The following GPC5 variants were observed in gnomAD, a reference collection of about 807,000 sequenced individuals.
GPC5 encodes glypican-5.
A neutral mutation model predicts 53.9 loss-of-function variants in GPC5; 47 were observed. That is an observed-to-expected ratio of 0.87 (90% CI 0.69 to 1.11). The LOEUF is 1.11. Among genes scored for constraint, GPC5 ranks in the 50% most tolerant of loss-of-function variants. The probability of loss-of-function intolerance (pLI) is 0.00; values close to 1 mark genes in which losing one functional copy is unlikely to be tolerated. For synonymous variants in GPC5, 286 were observed against 263.3 expected, an observed-to-expected ratio of 1.09 and a Z score of -0.84; for missense variants, 748 against 713.1, an observed-to-expected ratio of 1.05 and a Z score of -0.56.
intron 7 of GPC5, among the ~76,000 whole-genome samples, chr13:92,466,374 A>C (rs1320148990): frequency 6.6e-6 from 1 of 152,100 alleles, no homozygotes; most frequent in African/African-American, 2.4e-5. Context: ...CCTCCTAGTT[A>C]GGTATATAAA....
intron 7 of GPC5, among the ~76,000 whole-genome samples, chr13:92,500,435 G>A (rs1347061520): frequency 2.0e-5 from 3 of 152,130 alleles, no homozygotes; most frequent in Non-Finnish European, 2.9e-5. Context: ...GAGCAATCAT[G>A]CACCGCAGAT....
intron 7 of GPC5, among the ~76,000 whole-genome samples, chr13:92,318,888 G>A (rs1308600397): frequency 6.6e-6 from 1 of 152,060 alleles, no homozygotes; most frequent in African/African-American, 2.4e-5. Context: ...TTTCATAAAT[G>A]TTGTTGTTTT....
At chr13:91,468,326 T>C (rs1323926261) in intron 2 of GPC5, among the ~76,000 whole-genome samples, 1 of 152,144 alleles carries the variant, frequency 6.6e-6, no homozygotes, top group African/African-American at 2.4e-5. Flanking sequence ...GTCCCCACCC[T>C]GCCAAAGATA....
intron 6 of GPC5, among the ~76,000 whole-genome samples, chr13:91,966,112 G>A (rs770803326): frequency 5.3e-5 from 8 of 152,136 alleles, no homozygotes; most frequent in Admixed American, 1.3e-4. Context: ...ATACGGACAC[G>A]TGAAAGCCAG....
chr13:92,695,295 A>G (rs1887526387), intron 7 of GPC5, among the ~76,000 whole-genome samples: 1 of 152,104 alleles, frequency 6.6e-6, no homozygotes, highest in Non-Finnish European at 1.5e-5. Flanking sequence ...TTGTTAATTT[A>G]AGTTCCTTAT....
chr13:91,579,232 A>G lies in GPC5; in HGVS notation c.326-113955A>G, dbSNP rs191472587. On this transcript the variant is annotated intron_variant, in intron 2 of 7. Transcript: ENST00000377067. ...TTTCCCTCGGAGGTCAGGGCATTAC[A>G]TATCTGCTCTGGATGCCCCTTTGGC... is the stretch of plus-strand genomic sequence containing the variant. Among the ~76,000 whole-genome samples, 245 of 152,282 alleles carry G rather than the reference A, an allele frequency of 1.6e-3. 1 individual carries two copies. The highest frequency in any genetic ancestry group is 2.9e-3 in the Non-Finnish European group (196 of 68,024).
At chr13:92,587,090 T>C (rs1883561727) in intron 7 of GPC5, among the ~76,000 whole-genome samples, 1 of 152,132 alleles carries the variant, frequency 6.6e-6, no homozygotes. Context: ...TGAGAGTTAG[T>C]AAATACATAT....
chr13:92,516,157 AT>A lies in GPC5; in HGVS notation c.1562-350117del, dbSNP rs925461315. On this transcript the variant is annotated intron_variant, in intron 7 of 7. Coordinates refer to ENST00000377067, the MANE Select transcript of GPC5 (RefSeq NM_004466.6). ...AGTACCATTTTGTTAGGTACAGCTA[AT>A]TTTTTTTCTACTTTTAAATATACAT... 3.8e-4 allele frequency among the ~76,000 whole-genome samples: 58 copies of A among 151,984 alleles called. 1 individual carries two copies. The highest frequency in any genetic ancestry group is 5.4e-4 in the Non-Finnish European group (37 of 67,942).
At chr13:92,753,006 C>G (rs1874659500) in intron 7 of GPC5, among the ~76,000 whole-genome samples, 1 of 152,174 alleles carries the variant, frequency 6.6e-6, no homozygotes, top group Non-Finnish European at 1.5e-5. Flanking sequence ...GGGAGGCCTG[C>G]CTGCCTCTGT....
At chr13:92,170,400 C>CT (rs1245461786) in intron 7 of GPC5, among the ~76,000 whole-genome samples, 1 of 87,828 alleles carries the variant, frequency 1.1e-5, no homozygotes, top group Non-Finnish European at 2.6e-5. Context: ...GCAAGTTTTT[C>CT]TTTTTTTGTC....
intron 6 of GPC5, among the ~76,000 whole-genome samples, chr13:92,032,627 C>A (rs9556139): frequency 6.6e-6 from 1 of 152,116 alleles, no homozygotes; most frequent in East Asian, 1.9e-4. Context: ...TGCTTATCAC[C>A]TATTTTCTTA....
chr13:91,543,057 C>T (rs907486429), intron 2 of GPC5, among the ~76,000 whole-genome samples: 1 of 152,092 alleles, frequency 6.6e-6, no homozygotes, highest in Non-Finnish European at 1.5e-5. Flanking sequence ...AGGGTTTCAC[C>T]GTGTTAGCCA....
intron 5 of GPC5, among the ~76,000 whole-genome samples, chr13:91,828,142 G>T (rs192711230): frequency 4.2e-4 from 64 of 152,074 alleles, no homozygotes; most frequent in Non-Finnish European, 8.1e-4. Flanking sequence ...TCAGAACATT[G>T]GTGCTTTGTG....
chr13:91,967,267 A>G (rs528237925), intron 6 of GPC5, among the ~76,000 whole-genome samples: 142 of 152,226 alleles, frequency 9.3e-4, no homozygotes, highest in Non-Finnish European at 1.7e-3. Context: ...ATTATCTCCC[A>G]CTGGTTCCCT....
chr13:92,312,131 A>G (rs1403338273), intron 7 of GPC5, among the ~76,000 whole-genome samples: 1 of 152,176 alleles, frequency 6.6e-6, no homozygotes, highest in African/African-American at 2.4e-5. Flanking sequence ...TTACTTTCTT[A>G]AGAGGTTACA....
chr13:91,919,965 A>G (rs764065293), intron 6 of GPC5, among the ~76,000 whole-genome samples: 2 of 152,162 alleles, frequency 1.3e-5, no homozygotes, highest in Non-Finnish European at 2.9e-5. Context: ...CTGGATCTCT[A>G]CCCAGTGGGA....
At chr13:92,787,636 C>A (rs1344911549) in intron 7 of GPC5, among the ~76,000 whole-genome samples, 4 of 123,822 alleles carry the variant, frequency 3.2e-5, no homozygotes, top group Non-Finnish European at 1.6e-5. Context: ...AGTTTGAGAC[C>A]AGTCTGGGCA....
chr13:92,629,956 A>T (rs921726493), intron 7 of GPC5, among the ~76,000 whole-genome samples: 1 of 152,224 alleles, frequency 6.6e-6, no homozygotes, highest in African/African-American at 2.4e-5. Context: ...AAAAGAGTGC[A>T]TTTGATAGCA....
chr13:91,947,010 G>T (rs971854578), intron 6 of GPC5, among the ~76,000 whole-genome samples: 7 of 152,096 alleles, frequency 4.6e-5, no homozygotes, highest in South Asian at 2.1e-4. Context: ...ATACCTGGAG[G>T]TTTAACTCCA....
Sources: gnomAD v4.1 joint callset for allele counts (sites outside exome capture counted in the v4.1 genomes callset) on GRCh38, gnomAD v4.1.1 for gene constraint, MANE v1.5 for transcripts, NCBI Gene and HGNC (gene_info 2026-07-23, HGNC 2026-07-21) for gene names.